Variants in UMODL1 observed in about 807,000 individuals in gnomAD.
The protein encoded by UMODL1 is uromodulin-like 1.
UMODL1 carries 128 observed loss-of-function variants against 136.3 expected under a neutral mutation model. The ratio of observed to expected loss-of-function variants is 0.94; its 90% CI spans 0.81 to 1.09. The LOEUF is 1.09. Among genes scored for constraint, UMODL1 ranks in the 50% least tolerant of loss-of-function variants. The pLI, the probability that UMODL1 is intolerant of heterozygous loss-of-function variation, is 0.00. For synonymous variants in UMODL1, 721 were observed against 720.0 expected (o/e 1.00, Z -0.02); for missense variants, 1,766 against 1,725.6 (o/e 1.02, Z -0.41).
chr21:42,085,240 T>A lies in UMODL1; in HGVS notation c.482-51T>A. Reference sequence around the variant, plus strand: ...CCCTCTCCCACCCCAGCAGCTTTTGTGACTTCAACCTGTCCTGGGTCCATA... The same window carrying A: ...CCCTCTCCCACCCCAGCAGCTTTTGAGACTTCAACCTGTCCTGGGTCCATA... On this transcript the variant is annotated intron_variant, in intron 3 of 22. Coordinates refer to ENST00000408910, the MANE Select transcript of UMODL1 (RefSeq NM_001004416.3). The surrounding 1 kb of genome is among the most constrained non-coding windows in gnomAD (Gnocchi z 4.5). The A allele has an allele frequency of 1.9e-6, 3 of 1,588,296 alleles. No homozygotes were observed. The highest frequency in any genetic ancestry group is 1.7e-6 in the Non-Finnish European group (2 of 1,163,938).
At chr21:42,116,414 G>C (rs1279438281) in intron 14 of UMODL1, among the ~76,000 whole-genome samples, 2 of 151,868 alleles carry the variant, frequency 1.3e-5, no homozygotes, top group East Asian at 3.9e-4. Context: ...GGTCCTATGA[G>C]CTCCTCATTT....
chr21:42,127,559 G>A (rs1479123674), intron 19 of UMODL1, 113 bp from the exon 20 acceptor site: 11 of 1,256,044 alleles, frequency 8.8e-6, no homozygotes, highest in East Asian at 2.5e-5. Context: ...CGACTTCCAC[G>A]GAGCCTGTGG....
At position 42,085,445 on chromosome 21, in the gene UMODL1, TC is replaced by T; in HGVS notation, c.603+35del. Reference sequence around the variant, plus strand: ...AGACAGACGGGGGCTGCCTGCACCCTCCTTGTGGCAGCTGCTCAGGCAGACC... The same window carrying T: ...AGACAGACGGGGGCTGCCTGCACCCTCTTGTGGCAGCTGCTCAGGCAGACC... On this transcript the variant is annotated intron_variant, in intron 4 of 22. Coordinates refer to ENST00000408910, the MANE Select transcript of UMODL1 (RefSeq NM_001004416.3). This position sits in a 1 kb window ranked among gnomAD's most constrained non-coding sequence, Gnocchi z 4.5. 6.2e-7 allele frequency: 1 copy of T among 1,612,924 alleles called. No individual in the cohort carries two copies. The highest frequency in any genetic ancestry group is 8.5e-7 in the Non-Finnish European group (1 of 1,179,694).
chr21:42,108,191 T>C (rs1045016092), intron 9 of UMODL1: 11 of 441,202 alleles, frequency 2.5e-5, no homozygotes, highest in Non-Finnish European at 3.8e-5. Flanking sequence ...AGGTGCTTGG[T>C]GGTTTGAGCC....
chr21:42,129,155 C>T (rs2067101067), intron 20 of UMODL1, among the ~76,000 whole-genome samples: 1 of 152,114 alleles, frequency 6.6e-6, no homozygotes, highest in African/African-American at 2.4e-5. Flanking sequence ...TGGATTAGGG[C>T]CCACCCTGAT....
chr21:42,126,469 C>G lies in UMODL1; in HGVS notation c.3272C>G (p.Ser1091Cys). The change falls in exon 18 of 23, where the codon TCC becomes TGC. Residue 1091 changes from serine (S) to cysteine (C), a missense_variant. Physicochemically the swap from Ser to Cys is moderately radical, Grantham distance 112. Transcript: ENST00000408910. ...TTCCAGAATGACCTGCTGACATCCT[C>G]CGGCTTCACCCTGGAGTGGGGGTAA... ...CAFQNDLLTS[S>C]GFTLEWGVYT... 6.2e-7 allele frequency: 1 copy of G among 1,614,264 alleles called. No individual in the cohort carries two copies. Among genetic ancestry groups the G allele is most frequent in the East Asian group, 2.2e-5 (1 of 44,892 alleles).
intron 6 of UMODL1, among the ~76,000 whole-genome samples, chr21:42,092,922 C>T (rs989342960): frequency 1.3e-5 from 2 of 152,162 alleles, no homozygotes; most frequent in African/African-American, 4.8e-5. Flanking sequence ...GATCCCAAGG[C>T]TGGTCCTCTG....
intron 2 of UMODL1, 57 bp from the exon 3 acceptor site, chr21:42,084,026 CA>C (rs1450734951): frequency 6.3e-7 from 1 of 1,586,570 alleles, no homozygotes; most frequent in East Asian, 2.3e-5. Flanking sequence ...GGTCCCCGTG[CA>C]GCAAATCAGG....
At chr21:42,090,517 A>T in intron 6 of UMODL1, 79 bp downstream of exon 6, 1 of 1,537,032 alleles carries the variant, frequency 6.5e-7, no homozygotes, top group Non-Finnish European at 8.8e-7. Flanking sequence ...AGCAGTGCTT[A>T]CAGCTGCAGC....
At chr21:42,068,744 G>A (rs1476660009), upstream of UMODL1, among the ~76,000 whole-genome samples, 2 of 134,782 alleles carry the variant, frequency 1.5e-5, no homozygotes, top group Admixed American at 7.2e-5. The surrounding 1 kb of genome is among the most constrained non-coding windows in gnomAD (Gnocchi z 5.5). Flanking sequence ...GTTTGTAAGT[G>A]TGTGTAAGTG....
At chr21:42,110,792 C>A in intron 10 of UMODL1, 88 bp from the exon 11 acceptor site, 1 of 1,311,002 alleles carries the variant, frequency 7.6e-7, no homozygotes, top group African/African-American at 1.5e-5. Context: ...GCAGAGCAGT[C>A]CTGCTGGACG....
chr21:42,102,776 G>A (rs1335435774), intron 8 of UMODL1: 2 of 152,644 alleles, frequency 1.3e-5, no homozygotes, highest in African/African-American at 4.8e-5. Flanking sequence ...ATCACATAAA[G>A]TCTGAGGTTT....
intron 2 of UMODL1, among the ~76,000 whole-genome samples, 191 bp downstream of exon 2, chr21:42,076,438 G>T (rs1351085473): frequency 1.3e-5 from 2 of 152,168 alleles, no homozygotes; most frequent in African/African-American, 4.8e-5. Flanking sequence ...TGAGTCCGTG[G>T]GTGGGGGTGA....
chr21:42,089,548 G>A (rs576954531), intron 5 of UMODL1, among the ~76,000 whole-genome samples: 1 of 152,370 alleles, frequency 6.6e-6, no homozygotes, highest in African/African-American at 2.4e-5. Flanking sequence ...TTCTCAGTAG[G>A]AGATTGTTAG....
chr21:42,133,080 C>T lies in UMODL1; in HGVS notation c.3775+3283C>T, dbSNP rs369222743. Reference sequence around the variant, plus strand: ...ACATTCTTTCTCATTGTGTTAGTAGCTTTTGTTTGATCTATGACTATCATA... The same window carrying T: ...ACATTCTTTCTCATTGTGTTAGTAGTTTTTGTTTGATCTATGACTATCATA... On this transcript the variant is annotated intron_variant, in intron 21 of 22. Transcript: ENST00000408910. Among the ~76,000 whole-genome samples, 9 of 152,332 alleles carry T rather than the reference C, an allele frequency of 5.9e-5. 1 individual carries two copies. In the East Asian group the frequency reaches 1.7e-3, roughly 29 times the overall value.
chr21:42,136,109 G>C (rs569105626), intron 21 of UMODL1, among the ~76,000 whole-genome samples: 1 of 152,228 alleles, frequency 6.6e-6, no homozygotes, highest in South Asian at 2.1e-4. Context: ...CACACACGGT[G>C]GGCAGAGGGT....
rs765630439 is a variant in UMODL1 at position 42,109,581 on chromosome 21, C to CA, written c.1540dup (p.Ser514LysfsTer39). ...TGGCAGACTGGGACGAGTGTGTGGA[C>CA]AGCGCGGAACACGACTGCTCACCGG... On this transcript the variant is annotated frameshift_variant, in exon 10 of 23. Transcript: ENST00000408910. LOFTEE classifies it high-confidence loss of function. The CA allele has an allele frequency of 1.2e-6, 2 of 1,611,516 alleles. No individual in the cohort carries two copies. Among genetic ancestry groups the CA allele is most frequent in the African/African-American group, 2.7e-5 (2 of 74,934 alleles).
In UMODL1 at chr21:42,090,057, G is replaced by A. The variant is rs148752189; in HGVS notation, c.791-241G>A. On this transcript the variant is annotated intron_variant, in intron 5 of 22. Transcript: ENST00000408910. ...TTGCTCACGTGAGGCTGCCCGGTGA[G>A]CCAGCCGCGAGCCCTGCCTGAACGT... 1.1e-4 allele frequency among the ~76,000 whole-genome samples: 17 copies of A among 152,350 alleles called. No individual in the cohort carries two copies. The East Asian group carries it at 3.3e-3, about 29-fold the overall frequency.
At chr21:42,138,810 G>A (rs1179889218) in intron 22 of UMODL1, among the ~76,000 whole-genome samples, 1 of 152,158 alleles carries the variant, frequency 6.6e-6, no homozygotes, top group Non-Finnish European at 1.5e-5. Flanking sequence ...CCTGACCTCA[G>A]GTGATCCACC....
Sources: allele counts gnomAD v4.1 joint callset (sites outside exome capture counted in the v4.1 genomes callset), GRCh38; gene constraint gnomAD v4.1.1; non-coding constraint Gnocchi (gnomAD v3.1); transcripts MANE v1.5; gene names NCBI Gene and HGNC (gene_info 2026-07-23, HGNC 2026-07-21).